Variants in SORCS1 observed in about 807,000 individuals in gnomAD.
SORCS1 encodes the protein sortilin related VPS10 domain containing receptor 1, also known as VPS10 domain-containing receptor SorCS1.
Under a neutral mutation model 146.1 loss-of-function variants are expected in SORCS1, and 60 were observed. The ratio of observed to expected loss-of-function variants is 0.41; its 90% CI spans 0.33 to 0.51. The LOEUF (loss-of-function observed/expected upper bound fraction) is 0.51, where lower values mean the gene tolerates loss of function less well. SORCS1 is among the 20% of genes least tolerant of loss of function. The pLI is 0.21. For synonymous variants in SORCS1, 637 were observed against 584.0 expected, an observed-to-expected ratio of 1.09 and a Z score of -1.31; for missense variants, 1,352 against 1,487.6, an observed-to-expected ratio of 0.91 and a Z score of 1.50.
chr10:106,913,799 C>T (rs922919001), intron 2 of SORCS1, among the ~76,000 whole-genome samples: 1 of 152,206 alleles, frequency 6.6e-6, no homozygotes, highest in Non-Finnish European at 1.5e-5. Flanking sequence ...AAATCTCACT[C>T]AGCAGGTGGC....
intron 1 of SORCS1, among the ~76,000 whole-genome samples, chr10:107,163,529 G>A (rs1377289333): frequency 6.6e-6 from 1 of 152,144 alleles, no homozygotes; most frequent in Admixed American, 6.5e-5. Context: ...AAAATAAAAC[G>A]CCTACATATA....
chr10:106,611,437 A>G (rs1176265426), intron 22 of SORCS1, among the ~76,000 whole-genome samples: 3 of 152,204 alleles, frequency 2.0e-5, no homozygotes, highest in Admixed American at 2.0e-4. Context: ...ACTAACCATC[A>G]TATACTGAAT....
At chr10:106,706,674 T>C (rs373401132) in intron 7 of SORCS1, 40 bp from the exon 8 acceptor site, 6 of 1,584,602 alleles carry the variant, frequency 3.8e-6, no homozygotes, top group Admixed American at 1.7e-5. Context: ...CTCGAGCTAC[T>C]GTAACAGGCA....
At chr10:106,968,102 C>G (rs560567250) in intron 1 of SORCS1, among the ~76,000 whole-genome samples, 1 of 151,186 alleles carries the variant, frequency 6.6e-6, no homozygotes. Flanking sequence ...CCCAGTTACT[C>G]GGGAGGCTGA....
chr10:106,950,888 T>C lies in SORCS1; in HGVS notation c.626+5625A>G, dbSNP rs187750418. Among the ~76,000 whole-genome samples the C allele has an allele frequency of 3.3e-5, 5 of 152,248 alleles. No homozygotes were observed. The East Asian group carries it at 9.7e-4, about 29-fold the overall frequency. On this transcript the variant is annotated intron_variant, in intron 2 of 25. Coordinates refer to ENST00000263054, the MANE Select transcript of SORCS1 (RefSeq NM_052918.5). Reference sequence around the variant, plus strand: ...AGCATCATGCCAGACACACAGTGAATACCCAATAAAGGTTTCCAGTATTGT... The same window carrying C: ...AGCATCATGCCAGACACACAGTGAACACCCAATAAAGGTTTCCAGTATTGT...
chr10:106,822,782 G>GTTTTTTTTTTTTTTT lies in SORCS1; in HGVS notation c.726+6777_726+6791dup, dbSNP rs1158921880. Among the ~76,000 whole-genome samples the GTTTTTTTTTTTTTTT allele has an allele frequency of 9.0e-4, 102 of 113,146 alleles. 3 individuals carry two copies. Among genetic ancestry groups the GTTTTTTTTTTTTTTT allele is most frequent in the East Asian group, 6.5e-3 (23 of 3,542 alleles). 74.2% of individuals were successfully genotyped at this position (113,146 alleles called of 152,430 possible). A position where few individuals can be genotyped will look rare whatever the true frequency, so the allele number is the denominator to read the frequency against. ...CACTATGTCTCTGAATTCATGTGTG[G>GTTTTTTTTTTTTTTT]TTTTTTTTTTTTTTTTTTTTGAATA... On this transcript the variant is annotated intron_variant, in intron 3 of 25. Transcript: ENST00000263054.
the SORCS1 span, among the ~76,000 whole-genome samples, chr10:107,180,632 T>G: frequency 2.6e-5 from 4 of 152,330 alleles, no homozygotes; most frequent in East Asian, 3.9e-4. Flanking sequence ...CATTGATTTC[T>G]GCTCTTATAA....
intron 3 of SORCS1, among the ~76,000 whole-genome samples, chr10:106,782,569 A>G (rs879461556): frequency 1.3e-5 from 2 of 152,240 alleles, no homozygotes; most frequent in Admixed American, 6.5e-5. Context: ...CAGAGTACAT[A>G]GAAGATGAGT....
At chr10:106,821,788 G>C (rs917813866) in intron 3 of SORCS1, among the ~76,000 whole-genome samples, 1 of 152,030 alleles carries the variant, frequency 6.6e-6, no homozygotes, top group Non-Finnish European at 1.5e-5. Context: ...CAGGCGTGTT[G>C]GTGGGCGCCT....
chr10:107,140,654 C>A (rs1967733180), intron 1 of SORCS1, among the ~76,000 whole-genome samples: 1 of 152,138 alleles, frequency 6.6e-6, no homozygotes, highest in Non-Finnish European at 1.5e-5. Context: ...TATATATATT[C>A]TTGTATATAC....
chr10:106,804,797 G>A (rs1225569328), intron 3 of SORCS1, among the ~76,000 whole-genome samples: 3 of 152,064 alleles, frequency 2.0e-5, no homozygotes, highest in Admixed American at 6.6e-5. Context: ...GTACAGAAGC[G>A]TACTCAGAAT....
intron 17 of SORCS1, among the ~76,000 whole-genome samples, chr10:106,659,400 C>T (rs1363376008): frequency 6.6e-6 from 1 of 152,216 alleles, no homozygotes; most frequent in African/African-American, 2.4e-5. Flanking sequence ...CACTAAATCA[C>T]TTAATATCGA....
rs772421907 is a variant in SORCS1, at chr10:106,889,888, T to TAAA, written c.627-60218_627-60216dup. Among the ~76,000 whole-genome samples, 279 of 71,634 alleles carry TAAA rather than the reference T, an allele frequency of 3.9e-3. 11 individuals are homozygous for TAAA. The highest frequency in any genetic ancestry group is 0.013 in the African/African-American group (247 of 19,404). The allele number at this position is 71,634 out of a possible 152,430, so 47.0% of individuals were successfully genotyped here. A position where few individuals can be genotyped will look rare whatever the true frequency, so the allele number is the denominator to read the frequency against. On this transcript the variant is annotated intron_variant, in intron 2 of 25. Coordinates refer to ENST00000263054, the MANE Select transcript of SORCS1 (RefSeq NM_052918.5). ...TGACAGAGTGAGACTACGTCTCAAA[T>TAAA]AAAAAAAAAAAAAAAAAAAAAAAGC...
At chr10:107,095,491 G>A (rs190764771) in intron 1 of SORCS1, among the ~76,000 whole-genome samples, 10 of 152,298 alleles carry the variant, frequency 6.6e-5, no homozygotes, top group African/African-American at 1.7e-4. Flanking sequence ...AAGTTTAAGT[G>A]TCTGTTCTAA....
At chr10:106,640,750 G>A (rs1849021266) in intron 18 of SORCS1, among the ~76,000 whole-genome samples, 1 of 152,126 alleles carries the variant, frequency 6.6e-6, no homozygotes, top group Admixed American at 6.6e-5. Context: ...TGGTCCAGAG[G>A]ACATCCATCT....
intron 1 of SORCS1, among the ~76,000 whole-genome samples, chr10:106,958,759 G>T (rs1016559832): frequency 6.6e-6 from 1 of 152,152 alleles, no homozygotes; most frequent in Non-Finnish European, 1.5e-5. Flanking sequence ...TGTGGTGGGG[G>T]CATATGCTTA....
intron 1 of SORCS1, among the ~76,000 whole-genome samples, chr10:107,079,005 C>T (rs1457994436): frequency 3.3e-5 from 5 of 152,148 alleles, no homozygotes; most frequent in African/African-American, 1.2e-4. Context: ...GCAGGTAGAT[C>T]ACGAGGTCAG....
At chr10:107,148,016 A>T (rs1002081240) in intron 1 of SORCS1, among the ~76,000 whole-genome samples, 2 of 152,224 alleles carry the variant, frequency 1.3e-5, no homozygotes, top group Admixed American at 6.5e-5. Context: ...GGACACAGAC[A>T]TGGCAGATTG....
At chr10:106,726,359 C>CAAAAAAAAAAAAAAAAAAAAAA (rs60801871) in intron 6 of SORCS1, among the ~76,000 whole-genome samples, 2 of 43,596 alleles carry the variant, frequency 4.6e-5, no homozygotes, top group Non-Finnish European at 7.5e-5. Context: ...GCTGCCTTCG[C>CAAAAAAAAAAAAAAAAAAAAAA]AAAAAAAAAA....
Sources: gnomAD v4.1 joint callset for allele counts (sites outside exome capture counted in the v4.1 genomes callset) on GRCh38, gnomAD v4.1.1 for gene constraint, MANE v1.5 for transcripts, NCBI Gene and HGNC (gene_info 2026-07-23, HGNC 2026-07-21) for gene names.